The following DYNC2I1 variants were observed in gnomAD, a reference collection of about 807,000 sequenced individuals.
DYNC2I1 encodes dynein 2 intermediate chain 1.
Under a neutral mutation model 133.4 loss-of-function variants are expected in DYNC2I1, and 89 were observed. That is an observed-to-expected ratio of 0.67 (90% CI 0.56 to 0.80). The LOEUF (loss-of-function observed/expected upper bound fraction) is 0.80. DYNC2I1 is among the 30% of genes least tolerant of loss of function. DYNC2I1 has a pLI of 0.00. For missense variants in DYNC2I1, 1,291 were observed against 1,314.5 expected (o/e 0.98, Z 0.28); for synonymous variants, 504 against 484.3 (o/e 1.04, Z -0.54).
At chr7:158,895,564 C>G (rs976024285) in intron 8 of DYNC2I1, among the ~76,000 whole-genome samples, 5 of 152,338 alleles carry the variant, frequency 3.3e-5, no homozygotes, top group African/African-American at 9.6e-5. Flanking sequence ...GTCTTGACAT[C>G]AGGTCATGTC....
chr7:158,844,187 A>G, the DYNC2I1 span, among the ~76,000 whole-genome samples: 1 of 152,174 alleles, frequency 6.6e-6, no homozygotes, highest in Non-Finnish European at 1.5e-5. Flanking sequence ...TCAGTTCCCA[A>G]GTGAGTTTGG....
At chr7:158,928,267 G>C (rs985881408) in intron 20 of DYNC2I1, among the ~76,000 whole-genome samples, 2 of 150,762 alleles carry the variant, frequency 1.3e-5, no homozygotes, top group Non-Finnish European at 2.9e-5. Flanking sequence ...ATTAGCCCAT[G>C]TTTTGATCTC....
chr7:158,925,481 A>T (rs976791515), intron 17 of DYNC2I1, among the ~76,000 whole-genome samples: 1 of 151,556 alleles, frequency 6.6e-6, no homozygotes, highest in Admixed American at 6.6e-5. Flanking sequence ...AGGAGGGATA[A>T]TTTTCATCAG....
At chr7:158,856,890 G>A in intron 1 of DYNC2I1, 140 bp downstream of exon 1, 2 of 1,005,750 alleles carry the variant, frequency 2.0e-6, no homozygotes, top group Non-Finnish European at 2.5e-6. Context: ...GAGCCGCGGT[G>A]CCTCCGAGGC....
intron 23 of DYNC2I1, among the ~76,000 whole-genome samples, chr7:158,939,273 C>CCAAA (rs147770793): frequency 0.5 from 74,888 of 150,930 alleles, 18,956 homozygotes; most frequent in Admixed American, 0.54. Context: ...AAAAAAAAAC[C>CCAAA]CAAACAAAAC....
At chr7:158,930,637 G>C (rs1331186763) in intron 21 of DYNC2I1, 122 bp downstream of exon 21, 9 of 763,164 alleles carry the variant, frequency 1.2e-5, no homozygotes, top group Non-Finnish European at 1.9e-5. Flanking sequence ...TTCTCACATT[G>C]TTTTTTTACT....
downstream of DYNC2I1, among the ~76,000 whole-genome samples, chr7:158,948,569 G>C (rs557068507): frequency 8.3e-6 from 1 of 120,052 alleles, no homozygotes; most frequent in South Asian, 2.9e-4. Context: ...CTTCGGACAC[G>C]GGAGGTGCTC....
chr7:158,843,456 T>C, the DYNC2I1 span, among the ~76,000 whole-genome samples: 3 of 152,150 alleles, frequency 2.0e-5, no homozygotes, highest in Non-Finnish European at 2.9e-5. Context: ...GACGGGGTTT[T>C]GCCATGTTGG....
chr7:158,926,884 T>C (rs533402737), intron 19 of DYNC2I1, 108 bp from the exon 20 acceptor site: 12 of 771,746 alleles, frequency 1.6e-5, no homozygotes, highest in East Asian at 2.7e-5. Flanking sequence ...GGAGCAGTTA[T>C]GTTTTAGTAC....
At chr7:158,907,291 T>C (rs1456993765) in intron 11 of DYNC2I1, among the ~76,000 whole-genome samples, 8 of 149,660 alleles carry the variant, frequency 5.3e-5, no homozygotes, top group Admixed American at 3.3e-4. Flanking sequence ...TTTTTTTTTT[T>C]TTTTTTTAAA....
At chr7:158,917,436 CCTCTCGCTAAACACCTCCTGT>C (rs1848557470) in intron 14 of DYNC2I1, among the ~76,000 whole-genome samples, 1 of 51,810 alleles carries the variant, frequency 1.9e-5, no homozygotes, top group Non-Finnish European at 3.6e-5. Context: ...CCACCCTCCG[CCTCTCGCTAAACACCTCCTGT>C]CCTCCACACT....
chr7:158,950,423 G>T (rs1257904072), downstream of DYNC2I1, among the ~76,000 whole-genome samples: 2 of 151,252 alleles, frequency 1.3e-5, no homozygotes, highest in Non-Finnish European at 2.9e-5. Context: ...TGTTCTATAT[G>T]ATTCCAGGTG....
At chr7:158,933,226 A>G (rs1053304720) in intron 21 of DYNC2I1, among the ~76,000 whole-genome samples, 17 of 152,340 alleles carry the variant, frequency 1.1e-4, no homozygotes, top group Non-Finnish European at 1.9e-4. Context: ...CATAGGCCAT[A>G]TAAAGGAAAA....
At chr7:158,925,362 C>A (rs1016962009) in intron 17 of DYNC2I1, among the ~76,000 whole-genome samples, 17 of 152,030 alleles carry the variant, frequency 1.1e-4, no homozygotes, top group Non-Finnish European at 1.9e-4. Flanking sequence ...TTCTGATTCC[C>A]GGTGTTTTTT....
At position 158,876,618 on chromosome 7, in the gene DYNC2I1, T is replaced by A. The variant is rs773887772; in HGVS notation, c.500T>A (p.Val167Glu). 13 of 1,571,852 alleles carry A rather than the reference T, an allele frequency of 8.3e-6. No individual in the cohort carries two copies. In the Admixed American group the frequency reaches 2.5e-4, roughly 31 times the overall value. ...GTTTTACTTCTTGTAGTAAGTAAAG[T>A]AAGAAGTGAAGAGAAAGATGAAGAC... ...AERKGRSVSK[V>E]RSEEKDEDSE... Residue 167 changes from valine (V) to glutamate (E), a missense_variant, in exon 4 of 25, where the codon GTA becomes GAA. Physicochemically the swap from Val to Glu is moderately radical, Grantham distance 121. Coordinates refer to ENST00000407559, the MANE Select transcript of DYNC2I1 (RefSeq NM_018051.5).
chr7:158,926,577 G>A (rs1849649428), intron 19 of DYNC2I1, 114 bp downstream of exon 19: 1 of 1,181,136 alleles, frequency 8.5e-7, no homozygotes, highest in Admixed American at 2.2e-5. Context: ...GGGAAACGGA[G>A]AGCAAGACTG....
the DYNC2I1 span, among the ~76,000 whole-genome samples, chr7:158,847,381 C>CAT: frequency 6.6e-6 from 1 of 152,040 alleles, no homozygotes; most frequent in African/African-American, 2.4e-5. Flanking sequence ...AAACCTTAAA[C>CAT]TCTTTAGCAT....
At chr7:158,955,917 G>A (rs1282678713) in intron 4 of DYNC2I1, among the ~76,000 whole-genome samples, 1 of 152,214 alleles carries the variant, frequency 6.6e-6, no homozygotes, top group Non-Finnish European at 1.5e-5. Context: ...TCAGCCTGGT[G>A]TCGCCCCAGG....
At chr7:158,887,125 T>C (rs1006375822) in intron 7 of DYNC2I1, 50 bp downstream of exon 7, 2 of 1,560,634 alleles carry the variant, frequency 1.3e-6, no homozygotes, top group Middle Eastern at 3.4e-4. Context: ...ACATTGAGAT[T>C]AACCATAATC....
Sources: gnomAD v4.1 joint callset for allele counts (sites outside exome capture counted in the v4.1 genomes callset) on GRCh38, gnomAD v4.1.1 for gene constraint, MANE v1.5 for transcripts, NCBI Gene and HGNC (gene_info 2026-07-23, HGNC 2026-07-21) for gene names.